Variants in CSMD3 observed in about 807,000 individuals in gnomAD.
CSMD3 encodes CUB and sushi domain-containing protein 3.
In CSMD3, 177 loss-of-function variants were observed where a neutral mutation model predicts 435.2. The ratio of observed to expected loss-of-function variants is 0.41; its 90% CI spans 0.36 to 0.46. The LOEUF (loss-of-function observed/expected upper bound fraction) is 0.46, where lower values mean the gene tolerates loss of function less well. Ranked by LOEUF, CSMD3 falls within the 20% of genes least tolerant of loss-of-function variation. The pLI is 0.34. For synonymous variants in CSMD3, 1,656 were observed against 1,520.5 expected (o/e 1.09, Z -2.07); for missense variants, 4,265 against 4,504.6 (o/e 0.95, Z 1.52).
chr8:112,273,866 C>T (rs1817763462), intron 59 of CSMD3, among the ~76,000 whole-genome samples: 1 of 150,814 alleles, frequency 6.6e-6, no homozygotes, highest in South Asian at 2.1e-4. Flanking sequence ...CCATAAAGGG[C>T]CAGTGAGATA....
At chr8:113,248,478 TATATATACATATATATACACACAC>T (rs2093301151) in intron 3 of CSMD3, among the ~76,000 whole-genome samples, 2 of 135,358 alleles carry the variant, frequency 1.5e-5, no homozygotes, top group African/African-American at 2.7e-5. Context: ...GATATATATG[TATATATACATATATATACACACAC>T]ACATATATTT....
chr8:113,018,975 A>T, intron 6 of CSMD3, 92 bp downstream of exon 6: 2 of 878,022 alleles, frequency 2.3e-6, no homozygotes, highest in Non-Finnish European at 3.9e-6. Flanking sequence ...CAATTTCTAA[A>T]TGCTAAAGAC....
At chr8:112,665,554 T>C (rs1445505645) in intron 17 of CSMD3, among the ~76,000 whole-genome samples, 4 of 152,172 alleles carry the variant, frequency 2.6e-5, no homozygotes, top group African/African-American at 7.2e-5. Flanking sequence ...ATGTTTTTCA[T>C]GTGGATCTAA....
chr8:113,017,902 T>G, intron 6 of CSMD3, among the ~76,000 whole-genome samples: 1 of 152,076 alleles, frequency 6.6e-6, no homozygotes, highest in Middle Eastern at 3.2e-3. Flanking sequence ...ATTTTTGAAC[T>G]CTAAAGATTT....
chr8:113,161,122 T>C (rs1478784775), intron 4 of CSMD3, among the ~76,000 whole-genome samples: 8 of 152,162 alleles, frequency 5.3e-5, no homozygotes, highest in African/African-American at 1.9e-4. Context: ...GTCTATTCTC[T>C]GAGCATCTTC....
At chr8:112,721,392 T>G (rs2076854280) in intron 13 of CSMD3, among the ~76,000 whole-genome samples, 2 of 151,930 alleles carry the variant, frequency 1.3e-5, no homozygotes. Flanking sequence ...CTGGCCAACA[T>G]AGCGAAACCC....
At chr8:112,568,429 T>C (rs961130319) in intron 24 of CSMD3, among the ~76,000 whole-genome samples, 3 of 151,670 alleles carry the variant, frequency 2.0e-5, no homozygotes, top group Admixed American at 1.3e-4. Context: ...CCTGTCTCTA[T>C]TAAAAATACA....
At chr8:112,318,490 CTCTA>C (rs1413011461) in intron 47 of CSMD3, among the ~76,000 whole-genome samples, 3 of 152,090 alleles carry the variant, frequency 2.0e-5, no homozygotes, top group African/African-American at 4.8e-5. Context: ...AGATAAGAAG[CTCTA>C]TCTAAGTAAA....
rs71309768 is a variant in CSMD3, at chr8:112,405,214, CATATATATATAT to C, written c.5809+1298_5809+1309del. Among the ~76,000 whole-genome samples, 12 of 19,070 alleles carry C rather than the reference CATATATATATAT, an allele frequency of 6.3e-4. 1 individual carries two copies. The highest frequency in any genetic ancestry group is 5.5e-3 in the South Asian group (2 of 366). The allele number at this position is 19,070 out of a possible 152,430, so 12.5% of individuals were successfully genotyped here. ...AAAAAAAAAAAAAAAAAAAAACCCC[CATATATATATAT>C]ATATATATATATATATATATACATA... On this transcript the variant is annotated intron_variant, in intron 35 of 70. Transcript: ENST00000297405.
chr8:112,953,143 A>G (rs1383817143), intron 8 of CSMD3, among the ~76,000 whole-genome samples: 3 of 151,502 alleles, frequency 2.0e-5, no homozygotes, highest in Admixed American at 6.6e-5. Flanking sequence ...CCATTCTAAT[A>G]CGCTGTAATT....
intron 32 of CSMD3, among the ~76,000 whole-genome samples, chr8:112,441,234 G>T (rs545095636): frequency 6.6e-6 from 1 of 152,112 alleles, no homozygotes; most frequent in African/African-American, 2.4e-5. Context: ...CATAGCAAGA[G>T]TCACCTTTGC....
At chr8:113,114,990 T>C (rs563862509) in intron 4 of CSMD3, among the ~76,000 whole-genome samples, 1 of 152,210 alleles carries the variant, frequency 6.6e-6, no homozygotes, top group African/African-American at 2.4e-5. Flanking sequence ...ATGCCTACTT[T>C]CGTTACTTAA....
rs1828157976 is a variant in CSMD3 at position 112,556,780 on chromosome 8, G to C, written c.4217C>G (p.Pro1406Arg). The change falls in exon 25 of 71, where the codon CCT (proline) becomes CGT (arginine). Residue 1406 changes from proline (P) to arginine (R), a missense_variant. Around this residue, in one of 3 missense-constraint regions of CSMD3, gnomAD observed 3,255 missense variants for 3,380.2 expected, o/e 0.96. Coordinates refer to ENST00000297405, the MANE Select transcript of CSMD3 (RefSeq NM_198123.2). ...MTGERRAWDY[P>R]LPSCIAECGG... ...TATCCTACCAATACAGGAAGGCAGA[G>C]GATAGTCCCATGCCCTTCTCTCCCC... The C allele has an allele frequency of 6.2e-7, 1 of 1,611,054 alleles. No individual in the cohort carries two copies. The highest frequency in any genetic ancestry group is 1.1e-5 in the South Asian group (1 of 91,018).
At chr8:113,183,450 C>T (rs1193853939) in intron 3 of CSMD3, among the ~76,000 whole-genome samples, 3 of 152,018 alleles carry the variant, frequency 2.0e-5, no homozygotes, top group Non-Finnish European at 4.4e-5. Context: ...CTTACACTGC[C>T]TTTTCATTGG....
chr8:112,449,776 G>T (rs562931794), intron 32 of CSMD3, among the ~76,000 whole-genome samples: 1 of 152,296 alleles, frequency 6.6e-6, no homozygotes, highest in East Asian at 1.9e-4. Context: ...AGGCTGGAGT[G>T]CAGTGGCACG....
chr8:113,405,952 G>A (rs1173243101), intron 1 of CSMD3, among the ~76,000 whole-genome samples: 1 of 151,746 alleles, frequency 6.6e-6, no homozygotes, highest in Non-Finnish European at 1.5e-5. Flanking sequence ...TTTACGAGTT[G>A]CATTGAACTA....
At chr8:112,562,904 C>T (rs1828758789) in intron 24 of CSMD3, among the ~76,000 whole-genome samples, 2 of 151,634 alleles carry the variant, frequency 1.3e-5, no homozygotes, top group African/African-American at 4.8e-5. Flanking sequence ...ACATACTTTC[C>T]CAATTTCCTT....
intron 6 of CSMD3, among the ~76,000 whole-genome samples, chr8:113,006,384 C>T (rs1339065233): frequency 6.6e-6 from 1 of 151,944 alleles, no homozygotes; most frequent in African/African-American, 2.4e-5. Context: ...TTTCAGAGAG[C>T]CCTTGTAGAT....
intron 4 of CSMD3, among the ~76,000 whole-genome samples, chr8:113,119,408 C>T (rs72685847): frequency 0.11 from 16,940 of 151,964 alleles, 1,022 homozygotes; most frequent in Middle Eastern, 0.18. Flanking sequence ...TAGTAATTTG[C>T]CCAAGTTCAT....
Sources: allele counts gnomAD v4.1 joint callset (sites outside exome capture counted in the v4.1 genomes callset), GRCh38; gene constraint gnomAD v4.1.1; regional missense constraint gnomAD v4.1.1; transcripts MANE v1.5; gene names NCBI Gene and HGNC (gene_info 2026-07-23, HGNC 2026-07-21).